PSAP: variants seen among roughly 807,000 people sequenced by gnomAD.
The protein encoded by PSAP is prosaposin.
A neutral mutation model predicts 66.0 loss-of-function variants in PSAP; 25 were observed. The ratio of observed to expected loss-of-function variants is 0.38; its 90% CI spans 0.28 to 0.53. PSAP has a LOEUF of 0.53. Among genes scored for constraint, PSAP ranks in the 20% least tolerant of loss-of-function variants. PSAP has a pLI of 0.83. For synonymous variants in PSAP, 273 were observed against 258.9 expected, an observed-to-expected ratio of 1.05 and a Z score of -0.52; for missense variants, 649 against 668.8, an observed-to-expected ratio of 0.97 and a Z score of 0.33.
chr10:71,836,173 C>G (rs185239338), intron 1 of PSAP, among the ~76,000 whole-genome samples: 1 of 152,220 alleles, frequency 6.6e-6, no homozygotes, highest in African/African-American at 2.4e-5. Flanking sequence ...ACGTCCAGTT[C>G]GCAACCTCAA....
Position 71,816,420 on chromosome 10 carries a change from A to C in PSAP, c.*1021T>G, listed in dbSNP as rs1359060879. 1 of 471,116 alleles carries C rather than the reference A, an allele frequency of 2.1e-6. No homozygotes were observed. Among genetic ancestry groups the C allele is most frequent in the Non-Finnish European group, 4.4e-6 (1 of 227,066 alleles). The allele number at this position is 471,116 out of a possible 1,614,324, so 29.2% of individuals were successfully genotyped here. On this transcript the variant is annotated 3_prime_UTR_variant, in exon 14 of 14. Coordinates refer to ENST00000394936, the MANE Select transcript of PSAP (RefSeq NM_002778.4). The stretch of plus-strand genomic sequence containing the variant: ...TGCTTGCTGTCTCCTGGCAACCAGA[A>C]GTGGACAGAAGCGTGGGTGCCCAAG...
intron 1 of PSAP, among the ~76,000 whole-genome samples, chr10:71,849,794 C>T (rs898433521): frequency 9.2e-5 from 14 of 152,128 alleles, no homozygotes; most frequent in Non-Finnish European, 1.5e-4. Context: ...CAGGCATAAG[C>T]CACCGCACCC....
chr10:71,817,572 T>C, intron 13 of PSAP, 96 bp from the exon 14 acceptor site: 4 of 1,196,300 alleles, frequency 3.3e-6, no homozygotes, highest in Non-Finnish European at 5.0e-6. Context: ...CAGGACCTGT[T>C]CTCTTGTCCT....
chr10:71,837,962 C>T (rs1842658148), intron 1 of PSAP, among the ~76,000 whole-genome samples: 1 of 152,196 alleles, frequency 6.6e-6, no homozygotes, highest in Non-Finnish European at 1.5e-5. Context: ...GGAATGGTCT[C>T]ACCTGCCCCA....
Position 71,819,589 on chromosome 10 carries a change from C to T in PSAP, c.1226G>A (p.Cys409Tyr). The T allele has an allele frequency of 6.2e-7, 1 of 1,614,252 alleles. No homozygotes were observed. Among genetic ancestry groups the T allele is most frequent in the Non-Finnish European group, 8.5e-7 (1 of 1,180,054 alleles). The change falls in exon 11 of 14, where the codon TGC becomes TAC. Residue 409 changes from cysteine (C) to tyrosine (Y), a missense_variant. Transcript: ENST00000394936. ...ACCCACCAGCTTCTTGCACACTTCG[C>T]AGAAGCCACCGTCCTTTGGCTGAGT... Reference protein sequence around the residue: ...HVTQPKDGGFCEVCKKLVGYL... With the variant: ...HVTQPKDGGFYEVCKKLVGYL...
intron 7 of PSAP, 186 bp from the exon 8 acceptor site, chr10:71,822,193 C>T: frequency 1.4e-6 from 1 of 720,832 alleles, no homozygotes; most frequent in Non-Finnish European, 2.4e-6. Context: ...TGAAGCAGTG[C>T]ATATGTGCCA....
rs1231047984 is a variant in PSAP, at chr10:71,831,123, T to C, written c.375+3A>G. The C allele has an allele frequency of 3.1e-6, 5 of 1,613,934 alleles. No homozygotes were observed. Among genetic ancestry groups the C allele is most frequent in the Non-Finnish European group, 4.2e-6 (5 of 1,179,898 alleles). ...AAGGAAAAGCCTATTCCCCATCACTTACCATTTCTCCTTTAATGATGTCCA... is the reference window on the plus strand; with the variant it reads ...AAGGAAAAGCCTATTCCCCATCACTCACCATTTCTCCTTTAATGATGTCCA... On this transcript the variant is annotated splice_donor_region_variant and intron_variant, in intron 4 of 13. Transcript: ENST00000394936.
At chr10:71,831,799 T>C (rs1261433707) in intron 3 of PSAP, 47 bp downstream of exon 3, 6 of 1,564,296 alleles carry the variant, frequency 3.8e-6, no homozygotes, top group South Asian at 1.1e-5. Context: ...TAGGAACCAG[T>C]GCACGTGCCC....
At chr10:71,832,170 C>A (rs955461059) in intron 2 of PSAP, among the ~76,000 whole-genome samples, 1 of 152,168 alleles carries the variant, frequency 6.6e-6, no homozygotes, top group Admixed American at 6.5e-5. Context: ...CCACACAGCA[C>A]CCCATGTGGC....
rs74145688 is a variant in PSAP at position 71,834,468 on chromosome 10, G to A, written c.78C>T (p.Thr26=). The A allele has an allele frequency of 1.5e-3, 2,359 of 1,614,010 alleles. 32 individuals are homozygous for A. The African/African-American group carries it at 0.028, about 19-fold the overall frequency. Residue 26 remains threonine (T), a synonymous_variant, in exon 2 of 14, where the codon ACC becomes ACT. Coordinates refer to ENST00000394936, the MANE Select transcript of PSAP (RefSeq NM_002778.4). ...AGPVLGLKEC[T]RGSAVWCQNV... Reference sequence around the variant, plus strand: ...TCTGGCACCACACTGCCGAGCCCCTGGTGCATTCTTTCAGTCCAAGGACCG... The same window carrying A: ...TCTGGCACCACACTGCCGAGCCCCTAGTGCATTCTTTCAGTCCAAGGACCG...
intron 7 of PSAP, 112 bp from the exon 8 acceptor site, chr10:71,822,119 C>T: frequency 1.4e-6 from 2 of 1,434,416 alleles, no homozygotes; most frequent in Non-Finnish European, 1.9e-6. Context: ...CAGGTCAAGG[C>T]TACCTCCCTC....
intron 4 of PSAP, among the ~76,000 whole-genome samples, chr10:71,829,399 T>G (rs1163929358): frequency 3.9e-5 from 6 of 152,120 alleles, no homozygotes; most frequent in Non-Finnish European, 8.8e-5. Flanking sequence ...GGGAGGTAAC[T>G]GAATCACGGG....
At chr10:71,840,883 T>C (rs1842720750) in intron 1 of PSAP, among the ~76,000 whole-genome samples, 1 of 150,786 alleles carries the variant, frequency 6.6e-6, no homozygotes, top group Admixed American at 6.6e-5. Context: ...TCTTCTCAGA[T>C]TGTATGCAAT....
Position 71,819,029 on chromosome 10 carries a change from A to C in PSAP, c.1431+2T>G. 1 of 1,613,848 alleles carries C rather than the reference A, an allele frequency of 6.2e-7. No individual in the cohort carries two copies. Among genetic ancestry groups the C allele is most frequent in the Non-Finnish European group, 8.5e-7 (1 of 1,179,758 alleles). On this transcript the variant is annotated splice_donor_variant, in intron 12 of 13. Coordinates refer to ENST00000394936, the MANE Select transcript of PSAP (RefSeq NM_002778.4). LOFTEE classifies it high-confidence loss of function. ...AGGACCACACCACCCAGTGAGGCTC[A>C]CCAAGCACACGAAGGAAGGATCCAT...
Position 71,817,267 on chromosome 10 carries a change from G to A in PSAP, c.*174C>T, listed in dbSNP as rs977503207. 1.3e-6 allele frequency: 1 copy of A among 771,210 alleles called. No individual in the cohort carries two copies. The highest frequency in any genetic ancestry group is 2.4e-5 in the East Asian group (1 of 40,956). The allele number at this position is 771,210 out of a possible 1,614,324, so 47.8% of individuals were successfully genotyped here. On this transcript the variant is annotated 3_prime_UTR_variant, in exon 14 of 14. Transcript: ENST00000394936. ...ACTGAAGCAGCTATGTCTGCCAGGG[G>A]CTAGGGGCTCCCTTGCAGACAGCAA...
At chr10:71,822,636 G>A (rs371311031) in intron 7 of PSAP, 4 of 472,062 alleles carry the variant, frequency 8.5e-6, no homozygotes. Flanking sequence ...CAAACACAGA[G>A]CACTAGATAG....
intron 8 of PSAP, 68 bp downstream of exon 8, chr10:71,821,808 A>C (rs1842304878): frequency 6.2e-7 from 1 of 1,604,758 alleles, no homozygotes; most frequent in African/African-American, 1.3e-5. Flanking sequence ...GTAAGATGTG[A>C]TGTGACACAG....
At chr10:71,826,704 G>A (rs182652156) in intron 6 of PSAP, among the ~76,000 whole-genome samples, 61 of 150,224 alleles carry the variant, frequency 4.1e-4, no homozygotes, top group African/African-American at 1.3e-3. Context: ...TTGTGCCACC[G>A]CACTCCAGCC....
At chr10:71,823,921 C>G in intron 7 of PSAP, 1 of 1,292,576 alleles carries the variant, frequency 7.7e-7, no homozygotes, top group South Asian at 1.2e-5. Flanking sequence ...AACAGGAAAT[C>G]GGAGGTGAAA....
Sources: gnomAD v4.1 joint callset for allele counts (sites outside exome capture counted in the v4.1 genomes callset) on GRCh38, gnomAD v4.1.1 for gene constraint, MANE v1.5 for transcripts, NCBI Gene and HGNC (gene_info 2026-07-23, HGNC 2026-07-21) for gene names.